Variants in PKNOX1 observed in about 807,000 individuals in gnomAD.
PKNOX1 encodes homeobox protein PKNOX1.
PKNOX1 carries 15 observed loss-of-function variants against 51.9 expected under a neutral mutation model. That is an observed-to-expected ratio of 0.29 (90% CI 0.19 to 0.45). The LOEUF is 0.45. PKNOX1 is among the 20% of genes least tolerant of loss of function. PKNOX1 has a pLI of 1.00. For synonymous variants in PKNOX1, 219 were observed against 211.1 expected, an observed-to-expected ratio of 1.04 and a Z score of -0.32; for missense variants, 462 against 547.5, an observed-to-expected ratio of 0.84 and a Z score of 1.56.
At chr21:42,985,775 G>C (rs1036962098) in intron 1 of PKNOX1, among the ~76,000 whole-genome samples, 1 of 151,294 alleles carries the variant, frequency 6.6e-6, no homozygotes, top group Non-Finnish European at 1.5e-5. Flanking sequence ...GAGGCGGGTG[G>C]ATGACTTGAG....
intron 8 of PKNOX1, among the ~76,000 whole-genome samples, chr21:43,023,535 T>C (rs1425589545): frequency 6.6e-6 from 1 of 152,134 alleles, no homozygotes; most frequent in African/African-American, 2.4e-5. Context: ...TTTCCACATA[T>C]AGACAGTCAT....
chr21:43,017,345 C>T (rs1161108433), intron 6 of PKNOX1: 1 of 179,204 alleles, frequency 5.6e-6, no homozygotes, highest in East Asian at 1.5e-4. Context: ...TAAGTTTTAT[C>T]ATTAATTGAT....
intron 1 of PKNOX1, among the ~76,000 whole-genome samples, chr21:42,977,859 G>A (rs770603717): frequency 6.6e-6 from 1 of 151,924 alleles, no homozygotes; most frequent in Non-Finnish European, 1.5e-5. Context: ...CTTTTCTTCT[G>A]CATCTTCCTC....
At chr21:42,974,967 G>GCGC (rs545099458) in intron 1 of PKNOX1, among the ~76,000 whole-genome samples, 4 of 141,790 alleles carry the variant, frequency 2.8e-5, no homozygotes, top group Admixed American at 1.4e-4. Flanking sequence ...TTTCTGGAAG[G>GCGC]CGCCGCCGCC....
chr21:43,024,400 A>G (rs1480312055), intron 8 of PKNOX1: 1 of 152,752 alleles, frequency 6.5e-6, no homozygotes, highest in Non-Finnish European at 1.5e-5. Flanking sequence ...GTGAATTATT[A>G]TAGAATGGAC....
At chr21:42,981,295 C>T (rs1340702095) in intron 1 of PKNOX1, among the ~76,000 whole-genome samples, 1 of 152,234 alleles carries the variant, frequency 6.6e-6, no homozygotes, top group Non-Finnish European at 1.5e-5. Context: ...CGGTGCCCTG[C>T]TCGTGACAGT....
chr21:43,019,780 A>C (rs1026495667), intron 7 of PKNOX1, among the ~76,000 whole-genome samples: 1 of 152,094 alleles, frequency 6.6e-6, no homozygotes, highest in African/African-American at 2.4e-5. Flanking sequence ...GGGCTCAAGC[A>C]GTCCGCCTGC....
At chr21:42,987,687 C>T (rs1358537406) in intron 1 of PKNOX1, among the ~76,000 whole-genome samples, 5 of 148,730 alleles carry the variant, frequency 3.4e-5, no homozygotes, top group African/African-American at 1.2e-4. Context: ...GGCGCGATCT[C>T]GGCTCACTGC....
At chr21:43,013,995 A>G in intron 5 of PKNOX1, among the ~76,000 whole-genome samples, 1 of 149,278 alleles carries the variant, frequency 6.7e-6, no homozygotes, top group East Asian at 2.0e-4. Flanking sequence ...CTTTGATAAA[A>G]TGTCTGCTGC....
At position 43,010,508 on chromosome 21, in the gene PKNOX1, A is replaced by G. The variant is rs8132187; in HGVS notation, c.351+284A>G. On this transcript the variant is annotated intron_variant, in intron 4 of 10. Coordinates refer to ENST00000291547, the MANE Select transcript of PKNOX1 (RefSeq NM_004571.5). ...GGTCTCAAACTCCTGGCCTCAAGCA[A>G]TCTTCCCTCCTCAGTCTCTCAAGGC... is the stretch of plus-strand genomic sequence containing the variant. Among the ~76,000 whole-genome samples, 241 of 152,166 alleles carry G rather than the reference A, an allele frequency of 1.6e-3. 1 individual carries two copies. Among genetic ancestry groups the G allele is most frequent in the African/African-American group, 5.4e-3 (226 of 41,506 alleles).
At chr21:43,005,101 G>C (rs1978929600) in intron 2 of PKNOX1, among the ~76,000 whole-genome samples, 1 of 152,168 alleles carries the variant, frequency 6.6e-6, no homozygotes, top group South Asian at 2.1e-4. Context: ...TTGCGATCTT[G>C]TTAAACACGG....
In PKNOX1 at chr21:43,030,261, GT is replaced by G. The variant is rs1980200423; in HGVS notation, c.*161del. ...TTGCCGGTGCAGCGACTTCTTTCAA[GT>G]GTGTGTGTGTGTGTGTGTGTGTGTG... is the stretch of plus-strand genomic sequence containing the variant. On this transcript the variant is annotated 3_prime_UTR_variant, in exon 11 of 11. Coordinates refer to ENST00000291547, the MANE Select transcript of PKNOX1 (RefSeq NM_004571.5). 3 of 2,148 alleles carry G rather than the reference GT, an allele frequency of 1.4e-3. No individual in the cohort carries two copies. Among genetic ancestry groups the G allele is most frequent in the South Asian group, 4.2e-3 (1 of 236 alleles). The allele number at this position is 2,148 out of a possible 1,614,324, so 0.1% of individuals were successfully genotyped here. A position where few individuals can be genotyped will look rare whatever the true frequency, so the allele number is the denominator to read the frequency against.
intron 2 of PKNOX1, among the ~76,000 whole-genome samples, chr21:43,005,319 G>A (rs1421716390): frequency 6.6e-6 from 1 of 152,124 alleles, no homozygotes; most frequent in Non-Finnish European, 1.5e-5. Context: ...TCTGAGGAGG[G>A]GTTAGGAGCT....
intron 8 of PKNOX1, among the ~76,000 whole-genome samples, chr21:43,024,018 G>A (rs1383621933): frequency 6.6e-6 from 1 of 151,910 alleles, no homozygotes; most frequent in Non-Finnish European, 1.5e-5. Flanking sequence ...ACAGGCGTGA[G>A]GCACCGCGCC....
Position 42,984,974 on chromosome 21 carries a change from C to CTTTTTTT in PKNOX1, c.-57+10331_-57+10337dup, listed in dbSNP as rs71195904. ...GGGTTAGGGTTCCTCATTTTCTTTT[C>CTTTTTTT]TTTTTTTTTTTTTTTTTTTTTTTTT... On this transcript the variant is annotated intron_variant, in intron 1 of 10. Coordinates refer to ENST00000291547, the MANE Select transcript of PKNOX1 (RefSeq NM_004571.5). Among the ~76,000 whole-genome samples, 398 of 58,026 alleles carry CTTTTTTT rather than the reference C, an allele frequency of 6.9e-3. 18 individuals carry two copies. The highest frequency in any genetic ancestry group is 0.026 in the Middle Eastern group (1 of 38). 38.1% of individuals were successfully genotyped at this position (58,026 alleles called of 152,430 possible).
At chr21:42,990,867 T>G (rs1272671992) in intron 1 of PKNOX1, among the ~76,000 whole-genome samples, 1 of 152,184 alleles carries the variant, frequency 6.6e-6, no homozygotes, top group Non-Finnish European at 1.5e-5. Flanking sequence ...GATTTCTCTC[T>G]GTATCCTTCT....
rs547218534 is a variant in PKNOX1 at position 43,030,694 on chromosome 21, A to G, written c.*593A>G. Reference sequence around the variant, plus strand: ...ATTTTTACCTTGCTGGAATTATTGGATAAAAAAGCTATTTTTATAAATTCG... The same window carrying G: ...ATTTTTACCTTGCTGGAATTATTGGGTAAAAAAGCTATTTTTATAAATTCG... On this transcript the variant is annotated 3_prime_UTR_variant, in exon 11 of 11. Coordinates refer to ENST00000291547, the MANE Select transcript of PKNOX1 (RefSeq NM_004571.5). The G allele has an allele frequency of 6.5e-6, 1 of 152,766 alleles. No homozygotes were observed. The highest frequency in any genetic ancestry group is 2.4e-5 in the African/African-American group (1 of 41,566). 9.5% of individuals were successfully genotyped at this position (152,766 alleles called of 1,614,324 possible).
At chr21:43,013,751 G>A (rs993392099) in intron 5 of PKNOX1, among the ~76,000 whole-genome samples, 1 of 152,074 alleles carries the variant, frequency 6.6e-6, no homozygotes, top group Admixed American at 6.5e-5. Context: ...CTGTCTCTGT[G>A]AATTCGATGA....
At position 43,010,124 on chromosome 21, in the gene PKNOX1, C is replaced by A; in HGVS notation, c.251C>A (p.Thr84Lys). The change falls in exon 4 of 11, where the codon ACA becomes AAA. Residue 84 changes from threonine to lysine, a missense_variant. By Grantham distance (78) the Thr-to-Lys change is moderately conservative (BLOSUM62 -1). This residue lies in a region of PKNOX1 where 129 missense variants were observed against 133.4 expected (regional missense o/e 0.97). Transcript: ENST00000291547. ...CAATCTACACAGGGCTCTGAAGGCACAACTTCTGCCAGTTTTGATGTAGAC... is the reference window on the plus strand; with the variant it reads ...CAATCTACACAGGGCTCTGAAGGCAAAACTTCTGCCAGTTTTGATGTAGAC... ...CEQSTQGSEG[T>K]TSASFDVDIE... 1 of 1,606,506 alleles carries A rather than the reference C, an allele frequency of 6.2e-7. No individual in the cohort carries two copies. The highest frequency in any genetic ancestry group is 8.5e-7 in the Non-Finnish European group (1 of 1,175,658).
Sources: gnomAD v4.1 joint callset for allele counts (sites outside exome capture counted in the v4.1 genomes callset) on GRCh38, gnomAD v4.1.1 for gene constraint, gnomAD v4.1.1 regional missense constraint, MANE v1.5 for transcripts, NCBI Gene and HGNC (gene_info 2026-07-23, HGNC 2026-07-21) for gene names.